CDC42BPA: variants seen among roughly 807,000 people sequenced by gnomAD.
The protein encoded by CDC42BPA is serine/threonine-protein kinase MRCK alpha.
CDC42BPA carries 80 observed loss-of-function variants against 223.5 expected under a neutral mutation model. The observed-to-expected ratio is 0.36, with a 90% CI of 0.30 to 0.43. The LOEUF (loss-of-function observed/expected upper bound fraction) is 0.43, where lower values mean the gene tolerates loss of function less well. Ranked by LOEUF, CDC42BPA falls within the 20% of genes least tolerant of loss-of-function variation. The pLI is 1.00. For missense variants in CDC42BPA, 1,743 were observed against 2,099.9 expected, an observed-to-expected ratio of 0.83 and a Z score of 3.32; for synonymous variants, 694 against 718.6, an observed-to-expected ratio of 0.97 and a Z score of 0.55.
At chr1:227,308,228 G>A (rs557913375) in intron 1 of CDC42BPA, among the ~76,000 whole-genome samples, 8 of 152,202 alleles carry the variant, frequency 5.3e-5, no homozygotes, top group South Asian at 2.1e-4. Flanking sequence ...ATGGGAGGAC[G>A]GGCATGGTGG....
intron 5 of CDC42BPA, among the ~76,000 whole-genome samples, chr1:227,192,845 G>C (rs1030440292): frequency 6.6e-6 from 1 of 151,968 alleles, no homozygotes; most frequent in Non-Finnish European, 1.5e-5. Context: ...ATCCTTGAAA[G>C]TATTTTCTTG....
chr1:227,128,619 T>C (rs1656344115), intron 11 of CDC42BPA, among the ~76,000 whole-genome samples: 3 of 152,174 alleles, frequency 2.0e-5, no homozygotes, highest in Non-Finnish European at 4.4e-5. Context: ...CGAACACTTG[T>C]CAAATTTAGT....
intron 31 of CDC42BPA, among the ~76,000 whole-genome samples, chr1:227,024,683 A>G (rs1322207946): frequency 2.6e-5 from 4 of 152,348 alleles, no homozygotes; most frequent in East Asian, 1.9e-4. Flanking sequence ...AAGATAGAAA[A>G]TGACTATATA....
chr1:227,217,424 C>T (rs557374013), intron 2 of CDC42BPA, among the ~76,000 whole-genome samples: 1 of 150,018 alleles, frequency 6.7e-6, no homozygotes, highest in East Asian at 2.0e-4. Context: ...TCAGCCCGGG[C>T]TGAAGTGAGT....
intron 17 of CDC42BPA, among the ~76,000 whole-genome samples, chr1:227,080,553 A>G (rs1328856065): frequency 6.6e-6 from 1 of 152,142 alleles, no homozygotes; most frequent in East Asian, 1.9e-4. Flanking sequence ...CAAATACAGG[A>G]CTTTTGGTCT....
rs987365602 is a variant in CDC42BPA, at chr1:227,118,155, G to A, written c.1647+1649C>T. ...TGAACACAGAAACTCTACACTACTC[G>A]TGGAAATGGAAGTTGGTATGCTAGA... On this transcript the variant is annotated intron_variant, in intron 12 of 36. Transcript: ENST00000366766. 5.3e-5 allele frequency among the ~76,000 whole-genome samples: 8 copies of A among 152,220 alleles called. No individual in the cohort carries two copies. The East Asian group carries it at 9.6e-4, about 18-fold the overall frequency.
intron 14 of CDC42BPA, 106 bp from the exon 15 acceptor site, chr1:227,101,345 T>C (rs555894768): frequency 3.2e-6 from 2 of 626,776 alleles, no homozygotes; most frequent in Admixed American, 6.7e-5. Context: ...GCATTTTTTG[T>C]ACATCCTAAC....
intron 3 of CDC42BPA, among the ~76,000 whole-genome samples, chr1:227,202,185 C>T (rs6426590): frequency 0.69 from 104,649 of 151,954 alleles, 36,229 homozygotes; most frequent in South Asian, 0.74. Context: ...GGTTTCACTG[C>T]GTTAGCCAGG....
intron 14 of CDC42BPA, among the ~76,000 whole-genome samples, chr1:227,110,565 TCTTCTGACC>T (rs1686755790): frequency 6.6e-6 from 1 of 152,214 alleles, no homozygotes. Context: ...AATATTTAAC[TCTTCTGACC>T]CTCAATTTTC....
chr1:227,111,718 AG>A (rs1686961415), intron 14 of CDC42BPA, among the ~76,000 whole-genome samples: 1 of 152,032 alleles, frequency 6.6e-6, no homozygotes, highest in South Asian at 2.1e-4. Flanking sequence ...CCTGACCTCA[AG>A]TGATCTGCCC....
At chr1:227,310,571 GT>G (rs2148815578) in intron 1 of CDC42BPA, among the ~76,000 whole-genome samples, 1 of 152,244 alleles carries the variant, frequency 6.6e-6, no homozygotes, top group African/African-American at 2.4e-5. Flanking sequence ...AGAGATGGCA[GT>G]CATAGGAAGG....
intron 23 of CDC42BPA, among the ~76,000 whole-genome samples, chr1:227,041,638 T>C (rs1463828658): frequency 1.3e-5 from 2 of 152,184 alleles, no homozygotes; most frequent in South Asian, 2.1e-4. Context: ...AGATTATCTT[T>C]TTACATAGAA....
intron 2 of CDC42BPA, among the ~76,000 whole-genome samples, chr1:227,236,838 T>A (rs147778846): frequency 6.6e-6 from 1 of 151,766 alleles, no homozygotes; most frequent in East Asian, 1.9e-4. Flanking sequence ...GAGACCGAGG[T>A]GTGAGACGAG....
chr1:227,261,124 C>CTTTTTTTTTTTTTTTTTTTTTTTTTTTT (rs386369874), intron 1 of CDC42BPA, among the ~76,000 whole-genome samples: 1 of 121,000 alleles, frequency 8.3e-6, no homozygotes, highest in Non-Finnish European at 1.7e-5. Flanking sequence ...TTGAGTTTTT[C>CTTTTTTTTTTTTTTTTTTTTTTTTTTTT]TTTTTTTTTG....
chr1:227,083,244 A>G (rs991135441), intron 16 of CDC42BPA, among the ~76,000 whole-genome samples: 2 of 151,900 alleles, frequency 1.3e-5, no homozygotes, highest in African/African-American at 2.4e-5. Flanking sequence ...TATATTTTCT[A>G]TTCTTTTTAA....
At chr1:227,074,199 G>GT in intron 18 of CDC42BPA, 60 bp downstream of exon 18, 1 of 1,415,912 alleles carries the variant, frequency 7.1e-7, no homozygotes, top group Non-Finnish European at 9.8e-7. Context: ...TTATTATAGT[G>GT]TTTTTTAAAT....
At chr1:227,153,129 C>T (rs766418143) in intron 6 of CDC42BPA, among the ~76,000 whole-genome samples, 6 of 150,734 alleles carry the variant, frequency 4.0e-5, no homozygotes, top group East Asian at 1.9e-4. Context: ...TTTTAAAAAA[C>T]GAATAAATAG....
chr1:227,091,766 A>C, intron 16 of CDC42BPA, 120 bp downstream of exon 16: 1 of 536,248 alleles, frequency 1.9e-6, no homozygotes, highest in Admixed American at 3.7e-5. Context: ...AAGCAACATA[A>C]CTCAGGAGAA....
intron 10 of CDC42BPA, among the ~76,000 whole-genome samples, chr1:227,129,702 C>CGCATATATATATATATATAT (rs1414504695): frequency 5.4e-4 from 38 of 70,936 alleles, no homozygotes; most frequent in African/African-American, 1.9e-3. Flanking sequence ...AAATCCACTG[C>CGCATATATATATATATATAT]ATATATATAT....
Sources: allele counts gnomAD v4.1 joint callset (sites outside exome capture counted in the v4.1 genomes callset), GRCh38; gene constraint gnomAD v4.1.1; transcripts MANE v1.5; gene names NCBI Gene and HGNC (gene_info 2026-07-23, HGNC 2026-07-21).